LGSN: variants seen among roughly 807,000 people sequenced by gnomAD.
The protein encoded by LGSN is lengsin.
A neutral mutation model predicts 19.5 loss-of-function variants in LGSN; 21 were observed. The observed-to-expected ratio is 1.07, with a 90% confidence interval of 0.76 to 1.55. LGSN has a LOEUF of 1.55. Among genes scored for constraint, LGSN ranks in the 40% most tolerant of loss-of-function variants. LGSN has a pLI of 0.00. For synonymous variants in LGSN, 257 were observed against 215.6 expected (o/e 1.19, Z -1.68); for missense variants, 673 against 608.5 (o/e 1.11, Z -1.12).
At chr6:63,525,081 G>A in the LGSN span, among the ~76,000 whole-genome samples, 1 of 152,226 alleles carries the variant, frequency 6.6e-6, no homozygotes, top group African/African-American at 2.4e-5. Context: ...AGGGTGTTTA[G>A]AAGATGTCCT....
the LGSN span, among the ~76,000 whole-genome samples, chr6:63,473,277 A>C: frequency 6.6e-6 from 1 of 151,928 alleles, no homozygotes; most frequent in Non-Finnish European, 1.5e-5. Flanking sequence ...GTTCCAGAGC[A>C]GCCTGGGCAA....
chr6:63,519,916 G>T, the LGSN span, among the ~76,000 whole-genome samples: 10 of 152,124 alleles, frequency 6.6e-5, no homozygotes, highest in Non-Finnish European at 1.3e-4. Context: ...TTGACAAATG[G>T]ACTTGAAATA....
chr6:63,500,648 C>T, the LGSN span, among the ~76,000 whole-genome samples: 4 of 151,368 alleles, frequency 2.6e-5, no homozygotes, highest in Non-Finnish European at 5.9e-5. Flanking sequence ...TTCAAACTCC[C>T]GACCTCAGGT....
the LGSN span, among the ~76,000 whole-genome samples, chr6:63,529,630 G>C: frequency 6.6e-6 from 1 of 152,134 alleles, no homozygotes; most frequent in Non-Finnish European, 1.5e-5. Context: ...TCTCTCAAAA[G>C]CTTGGTTTGA....
chr6:63,462,458 C>A, the LGSN span, among the ~76,000 whole-genome samples: 1 of 152,058 alleles, frequency 6.6e-6, no homozygotes, highest in Admixed American at 6.6e-5. Flanking sequence ...CATGATGAAA[C>A]CCTATCTCTA....
the LGSN span, among the ~76,000 whole-genome samples, chr6:63,434,604 C>CAAAAAAAAAAAAAAAAA: frequency 1.6e-5 from 1 of 62,896 alleles, no homozygotes; most frequent in Non-Finnish European, 3.6e-5. Flanking sequence ...ACTAAAAATT[C>CAAAAAAAAAAAAAAAAA]AAAAAAAAAA....
chr6:63,317,851 G>C (rs1329536493), intron 1 of LGSN, among the ~76,000 whole-genome samples: 2 of 152,172 alleles, frequency 1.3e-5, no homozygotes, highest in African/African-American at 4.8e-5. Context: ...GTGTCTACCT[G>C]TGTCAGTGTT....
At chr6:63,429,386 T>C in the LGSN span, among the ~76,000 whole-genome samples, 3 of 152,152 alleles carry the variant, frequency 2.0e-5, no homozygotes, top group Non-Finnish European at 4.4e-5. Context: ...AACTATGCTA[T>C]ATTATATATG....
the LGSN span, among the ~76,000 whole-genome samples, chr6:63,470,018 A>G: frequency 6.6e-6 from 1 of 152,090 alleles, no homozygotes; most frequent in South Asian, 2.1e-4. Context: ...GCCTGGCCAC[A>G]TTTATTGTTT....
At chr6:63,501,524 T>C in the LGSN span, among the ~76,000 whole-genome samples, 1 of 151,912 alleles carries the variant, frequency 6.6e-6, no homozygotes, top group Non-Finnish European at 1.5e-5. Context: ...AAAAACAAAC[T>C]GCATCCTTGA....
the LGSN span, among the ~76,000 whole-genome samples, chr6:63,422,461 G>A: frequency 6.6e-6 from 1 of 152,182 alleles, no homozygotes; most frequent in African/African-American, 2.4e-5. Flanking sequence ...CAGTATATAT[G>A]AGAATGGGTT....
the LGSN span, among the ~76,000 whole-genome samples, chr6:63,372,525 G>T: frequency 1.3e-5 from 2 of 152,036 alleles, no homozygotes; most frequent in Non-Finnish European, 2.9e-5. Context: ...TGCCACCAAC[G>T]GGATTTTCTA....
intron 1 of LGSN, among the ~76,000 whole-genome samples, chr6:63,304,999 A>C (rs1017858474): frequency 8.5e-5 from 13 of 152,214 alleles, no homozygotes; most frequent in Non-Finnish European, 1.6e-4. Flanking sequence ...ATTGTTAAAC[A>C]AAATTATGGA....
intron 2 of LGSN, chr6:63,293,844 T>C: frequency 2.2e-6 from 1 of 452,866 alleles, no homozygotes; most frequent in Non-Finnish European, 4.4e-6. Context: ...CACCATTTGG[T>C]TTCTGATCCT....
the LGSN span, among the ~76,000 whole-genome samples, chr6:63,492,725 A>G: frequency 2.6e-5 from 4 of 152,236 alleles, no homozygotes; most frequent in Non-Finnish European, 4.4e-5. Flanking sequence ...GAGGAAGACA[A>G]TATCAATGGT....
At chr6:63,328,934 C>T in the LGSN span, among the ~76,000 whole-genome samples, 1 of 152,180 alleles carries the variant, frequency 6.6e-6, no homozygotes, top group African/African-American at 2.4e-5. Context: ...TGTCTTAGGG[C>T]AAGGATAAGC....
chr6:63,285,527 G>T, intron 3 of LGSN, 60 bp downstream of exon 3: 1 of 1,289,680 alleles, frequency 7.8e-7, no homozygotes, highest in Non-Finnish European at 1.1e-6. Context: ...AGAGTAATAA[G>T]AACTGTTTGC....
intron 2 of LGSN, among the ~76,000 whole-genome samples, chr6:63,290,659 G>T (rs1446306604): frequency 6.6e-6 from 1 of 152,198 alleles, no homozygotes; most frequent in Non-Finnish European, 1.5e-5. Flanking sequence ...ACTTCACGGG[G>T]TGGCAAGCAT....
the LGSN span, among the ~76,000 whole-genome samples, chr6:63,442,925 G>T: frequency 6.6e-6 from 1 of 152,246 alleles, no homozygotes; most frequent in Non-Finnish European, 1.5e-5. Flanking sequence ...CAGGACCACG[G>T]GTGGAGCTGC....
Sources: gnomAD v4.1 joint callset for allele counts (sites outside exome capture counted in the v4.1 genomes callset) on GRCh38, gnomAD v4.1.1 for gene constraint, MANE v1.5 for transcripts, NCBI Gene and HGNC (gene_info 2026-07-23, HGNC 2026-07-21) for gene names.